Variants in ELAVL1 observed in about 807,000 individuals in gnomAD.
The protein encoded by ELAVL1 is ELAV-like protein 1.
ELAVL1 carries 1 observed loss-of-function variant against 28.4 expected under a neutral mutation model. The observed-to-expected ratio is 0.04, with a 90% CI of 0.01 to 0.17. The LOEUF is 0.17. ELAVL1 is among the 10% of genes least tolerant of loss of function. ELAVL1 has a pLI of 1.00. For missense variants in ELAVL1, 157 were observed against 447.2 expected (o/e 0.35, Z 5.85); for synonymous variants, 174 against 183.5 (o/e 0.95, Z 0.42).
chr19:7,971,322 G>T (rs925905190), intron 4 of ELAVL1, among the ~76,000 whole-genome samples: 2 of 152,208 alleles, frequency 1.3e-5, no homozygotes, highest in African/African-American at 4.8e-5. Context: ...GTGGAGCACA[G>T]GCTTCCCTCA....
intron 1 of ELAVL1, among the ~76,000 whole-genome samples, chr19:8,004,787 A>G (rs1051531964): frequency 2.0e-5 from 3 of 152,262 alleles, no homozygotes; most frequent in Admixed American, 2.0e-4. Flanking sequence ...AGTAGGGACC[A>G]AAACCCATTT....
At chr19:7,988,459 G>T (rs987692709) in intron 2 of ELAVL1, among the ~76,000 whole-genome samples, 1 of 152,194 alleles carries the variant, frequency 6.6e-6, no homozygotes, top group African/African-American at 2.4e-5. Context: ...CTGGGGAAAG[G>T]CGCTAAAGAC....
chr19:7,992,588 T>TG (rs1247363442), intron 1 of ELAVL1, among the ~76,000 whole-genome samples: 6 of 151,756 alleles, frequency 4.0e-5, no homozygotes, highest in South Asian at 2.1e-4. Context: ...CAGGTCGGCG[T>TG]GGGGGGGACA....
chr19:8,002,341 C>A, intron 1 of ELAVL1: 1 of 365,002 alleles, frequency 2.7e-6, no homozygotes, highest in Non-Finnish European at 5.4e-6. Context: ...TCCACATCAG[C>A]CAGGGCATAA....
chr19:7,975,368 G>A (rs1985252601), intron 3 of ELAVL1, among the ~76,000 whole-genome samples: 1 of 152,208 alleles, frequency 6.6e-6, no homozygotes, highest in Non-Finnish European at 1.5e-5. Flanking sequence ...AAGTGCCCTA[G>A]AGCCAAATGC....
Position 7,963,883 on chromosome 19 carries a change from C to A in ELAVL1, c.657-76G>T. The A allele has an allele frequency of 6.7e-7, 1 of 1,483,608 alleles. No individual in the cohort carries two copies. The highest frequency in any genetic ancestry group is 9.1e-7 in the Non-Finnish European group (1 of 1,103,126). The allele number at this position is 1,483,608 out of a possible 1,614,324, so 91.9% of individuals were successfully genotyped here. A position where few individuals can be genotyped will look rare whatever the true frequency, so the allele number is the denominator to read the frequency against. On this transcript the variant is annotated intron_variant, in intron 5 of 5. Coordinates refer to ENST00000407627, the MANE Select transcript of ELAVL1 (RefSeq NM_001419.3). This position sits in a 1 kb window ranked among gnomAD's most constrained non-coding sequence, Gnocchi z 4.5. ...GGATGGGGCAAGGCCTGGACGCATG[C>A]TGACCATGGCCGCTGGGCCCCATCC...
At chr19:7,983,358 C>T (rs1321767636) in intron 2 of ELAVL1, among the ~76,000 whole-genome samples, 2 of 152,206 alleles carry the variant, frequency 1.3e-5, no homozygotes, top group Admixed American at 6.5e-5. Flanking sequence ...TCTGCAAGTG[C>T]TCCAGATGGC....
At chr19:7,993,667 C>T (rs574026450) in intron 1 of ELAVL1, among the ~76,000 whole-genome samples, 2 of 152,096 alleles carry the variant, frequency 1.3e-5, no homozygotes, top group East Asian at 1.9e-4. Context: ...CCCCTCATCC[C>T]TGCCTCTAAA....
At chr19:7,967,025 CTT>C (rs770671359) in intron 5 of ELAVL1, among the ~76,000 whole-genome samples, 6 of 140,522 alleles carry the variant, frequency 4.3e-5, no homozygotes, top group Admixed American at 7.2e-5. Context: ...CTGGTGCTGT[CTT>C]TTTTTTTTTT....
At chr19:7,964,492 C>T (rs1984900163) in intron 5 of ELAVL1, among the ~76,000 whole-genome samples, 1 of 152,078 alleles carries the variant, frequency 6.6e-6, no homozygotes, top group South Asian at 2.1e-4. Context: ...CAAACTTGAC[C>T]ACACACGTGG....
chr19:7,964,859 G>A (rs376455868), intron 5 of ELAVL1, among the ~76,000 whole-genome samples: 53 of 152,348 alleles, frequency 3.5e-4, no homozygotes, highest in African/African-American at 1.2e-3. Flanking sequence ...GGGAATATCT[G>A]AGTAGCATAC....
intron 1 of ELAVL1, among the ~76,000 whole-genome samples, chr19:7,992,698 A>G (rs1448871306): frequency 1.3e-5 from 2 of 152,238 alleles, no homozygotes; most frequent in African/African-American, 2.4e-5. Flanking sequence ...GTCAAAACCC[A>G]CAGAATGAAC....
At chr19:7,991,615 G>A (rs1046325651) in intron 2 of ELAVL1, 29 bp downstream of exon 2, 22 of 1,594,938 alleles carry the variant, frequency 1.4e-5, no homozygotes, top group East Asian at 2.2e-5. Flanking sequence ...ACCAATACCC[G>A]GTTTACTAAA....
chr19:7,969,693 T>C lies in ELAVL1; in HGVS notation c.431-1903A>G, dbSNP rs533612516. On this transcript the variant is annotated intron_variant, in intron 4 of 5. Transcript: ENST00000407627. ...CTGAGAGCTGACGCTGGCCGGCTCG[T>C]AGGGAAGCTGGCTCCAAGCAGATGG... 1.7e-3 allele frequency among the ~76,000 whole-genome samples: 255 copies of C among 152,230 alleles called. 1 individual carries two copies. Among genetic ancestry groups the C allele is most frequent in the Admixed American group, 2.7e-3 (41 of 15,284 alleles).
Position 7,974,092 on chromosome 19 carries a change from C to A in ELAVL1, c.277-214G>T, listed in dbSNP as rs139657647. Among the ~76,000 whole-genome samples the A allele has an allele frequency of 1.6e-3, 251 of 152,380 alleles. 2 individuals carry two copies. Among genetic ancestry groups the A allele is most frequent in the African/African-American group, 5.7e-3 (238 of 41,600 alleles). On this transcript the variant is annotated intron_variant, in intron 3 of 5. Transcript: ENST00000407627. ...CAGGATGCCTGGCAGTGCTTCCTCA[C>A]TGGGTGCTCACCATCCTCAAGGAGG... is the stretch of plus-strand genomic sequence containing the variant.
At position 7,963,863 on chromosome 19, in the gene ELAVL1, G is replaced by A; in HGVS notation, c.657-56C>T. 7.0e-6 allele frequency: 11 copies of A among 1,563,878 alleles called. No individual in the cohort carries two copies. The South Asian group carries it at 1.3e-4, about 18-fold the overall frequency. On this transcript the variant is annotated intron_variant, in intron 5 of 5. Coordinates refer to ENST00000407627, the MANE Select transcript of ELAVL1 (RefSeq NM_001419.3). The surrounding 1 kb of genome is among the most constrained non-coding windows in gnomAD (Gnocchi z 4.5). Reference sequence around the variant, plus strand: ...GGTCAGCGCAGGCGGCCTGGGGATGGGGCAAGGCCTGGACGCATGCTGACC... The same window carrying A: ...GGTCAGCGCAGGCGGCCTGGGGATGAGGCAAGGCCTGGACGCATGCTGACC...
rs1307622233 is a variant in ELAVL1, at chr19:7,959,353, CAACATGGG to C, written c.*4122_*4129del. 6.6e-6 allele frequency: 1 copy of C among 152,556 alleles called. No individual in the cohort carries two copies. Among genetic ancestry groups the C allele is most frequent in the Non-Finnish European group, 1.5e-5 (1 of 68,048 alleles). The allele number at this position is 152,556 out of a possible 1,614,324, so 9.5% of individuals were successfully genotyped here. A position where few individuals can be genotyped will look rare whatever the true frequency, so the allele number is the denominator to read the frequency against. On this transcript the variant is annotated 3_prime_UTR_variant, in exon 6 of 6. Coordinates refer to ENST00000407627, the MANE Select transcript of ELAVL1 (RefSeq NM_001419.3). ...ACAAAAGGTCTAACCATCTACTGTA[CAACATGGG>C]AATCGGTTAAGAGAGCCTCCCCTCC...
Position 7,991,793 on chromosome 19 carries a change from T to G in ELAVL1, c.23A>C (p.His8Pro). Reference sequence around the variant, plus strand: ...GTCACCCCTGCAGTCTTCGGCCATGTGGTCTTCATAACCATTAGACATTGT... The same window carrying G: ...GTCACCCCTGCAGTCTTCGGCCATGGGGTCTTCATAACCATTAGACATTGT... The part of the protein sequence containing the change: MSNGYED[H>P]MAEDCRGDIG... The change falls in exon 2 of 6, where the codon CAC becomes CCC. Residue 8 changes from histidine (H) to proline (P), a missense_variant. By Grantham distance (77) the His-to-Pro change is moderately conservative. Around this residue, in one of 4 missense-constraint regions of ELAVL1, gnomAD observed 22 missense variants for 23.7 expected, o/e 0.93. Coordinates refer to ENST00000407627, the MANE Select transcript of ELAVL1 (RefSeq NM_001419.3). The G allele has an allele frequency of 6.2e-7, 1 of 1,613,618 alleles. No individual in the cohort carries two copies. The highest frequency in any genetic ancestry group is 1.1e-5 in the South Asian group (1 of 90,920).
At chr19:7,990,529 G>C (rs568042832) in intron 2 of ELAVL1, among the ~76,000 whole-genome samples, 1 of 150,840 alleles carries the variant, frequency 6.6e-6, no homozygotes, top group South Asian at 2.1e-4. Context: ...ACCACGCCCA[G>C]CTAAGTTTTT....
Sources: gnomAD v4.1 joint callset for allele counts (sites outside exome capture counted in the v4.1 genomes callset) on GRCh38, gnomAD v4.1.1 for gene constraint, gnomAD v4.1.1 regional missense constraint, Gnocchi (gnomAD v3.1) non-coding constraint, MANE v1.5 for transcripts, NCBI Gene and HGNC (gene_info 2026-07-23, HGNC 2026-07-21) for gene names.